Variants in UBE2E2 observed in about 807,000 individuals in gnomAD.
UBE2E2 encodes ubiquitin conjugating enzyme E2 E2.
A neutral mutation model predicts 24.7 loss-of-function variants in UBE2E2; 6 were observed. The observed-to-expected ratio is 0.24, with a 90% confidence interval of 0.13 to 0.48. The LOEUF (loss-of-function observed/expected upper bound fraction) is 0.48. Ranked by LOEUF, UBE2E2 falls within the 20% of genes least tolerant of loss-of-function variation. The probability of loss-of-function intolerance (pLI) is 0.99; values close to 1 mark genes in which losing one functional copy is unlikely to be tolerated. For synonymous variants in UBE2E2, 104 were observed against 83.6 expected (o/e 1.24, Z -1.33); for missense variants, 169 against 245.0 (o/e 0.69, Z 2.07).
At chr3:23,361,698 T>G (rs1375390118) in intron 3 of UBE2E2, among the ~76,000 whole-genome samples, 2 of 152,192 alleles carry the variant, frequency 1.3e-5, no homozygotes, top group Non-Finnish European at 2.9e-5. Context: ...GGGTGAGGGA[T>G]GAGTTGGGTA....
At chr3:23,284,990 C>T (rs1464192857) in intron 3 of UBE2E2, among the ~76,000 whole-genome samples, 4 of 148,838 alleles carry the variant, frequency 2.7e-5, no homozygotes, top group Non-Finnish European at 4.4e-5. Flanking sequence ...TATATATTTA[C>T]CTGTTAACCA....
At chr3:23,381,383 G>A (rs915223182) in intron 3 of UBE2E2, among the ~76,000 whole-genome samples, 1 of 150,334 alleles carries the variant, frequency 6.7e-6, no homozygotes, top group Non-Finnish European at 1.5e-5. Context: ...TGTCCATGGA[G>A]AAGAAAAAAA....
intron 3 of UBE2E2, among the ~76,000 whole-genome samples, chr3:23,386,329 G>T (rs1300258268): frequency 6.6e-6 from 1 of 152,106 alleles, no homozygotes; most frequent in Non-Finnish European, 1.5e-5. Flanking sequence ...CAACCAAGCT[G>T]CCTCAAGCTT....
At chr3:23,350,017 A>G (rs1198525505) in intron 3 of UBE2E2, among the ~76,000 whole-genome samples, 2 of 152,182 alleles carry the variant, frequency 1.3e-5, no homozygotes, top group African/African-American at 4.8e-5. Context: ...TCACACGGCC[A>G]GGTACTCCTC....
intron 3 of UBE2E2, among the ~76,000 whole-genome samples, chr3:23,227,691 C>T (rs560191021): frequency 2.0e-5 from 3 of 152,098 alleles, no homozygotes; most frequent in South Asian, 2.1e-4. Flanking sequence ...ATTGGAAATG[C>T]GTGTACTAAG....
Position 23,310,382 on chromosome 3 carries a change from T to G in UBE2E2, c.227+93070T>G, listed in dbSNP as rs555017418. Among the ~76,000 whole-genome samples, 12 of 151,778 alleles carry G rather than the reference T, an allele frequency of 7.9e-5. No homozygotes were observed. The South Asian group carries it at 2.5e-3, about 32-fold the overall frequency. The stretch of plus-strand genomic sequence containing the variant: ...TTACTGTCTTTTCAGATTCAGAAGA[T>G]TTATAATCAGACTGACTAAACACAT... On this transcript the variant is annotated intron_variant, in intron 3 of 5. Transcript: ENST00000396703.
intron 3 of UBE2E2, among the ~76,000 whole-genome samples, chr3:23,348,347 CA>C (rs35038477): frequency 0.19 from 23,595 of 121,844 alleles, 1,821 homozygotes; most frequent in Non-Finnish European, 0.21. Context: ...GTGCTGCTTT[CA>C]AAAAAAAAAA....
rs192570836 is a variant in UBE2E2, at chr3:23,251,772, C to T, written c.227+34460C>T. ...AAGTTATAAAATTATAATAATCTCT[C>T]TCGACTATTTATGTATTAGGAGATC... is the stretch of plus-strand genomic sequence containing the variant. On this transcript the variant is annotated intron_variant, in intron 3 of 5. Transcript: ENST00000396703. Among the ~76,000 whole-genome samples the T allele has an allele frequency of 7.0e-4, 106 of 152,210 alleles. 2 individuals carry two copies. The highest frequency in any genetic ancestry group is 2.4e-3 in the African/African-American group (101 of 41,528).
chr3:23,525,937 A>G (rs1575685742), intron 4 of UBE2E2, among the ~76,000 whole-genome samples: 1 of 152,262 alleles, frequency 6.6e-6, no homozygotes, highest in East Asian at 1.9e-4. Context: ...TCAAAACATT[A>G]TTTCCTATTT....
intron 5 of UBE2E2, among the ~76,000 whole-genome samples, chr3:23,571,280 C>CTTCTTTTTTTTTT: frequency 3.3e-5 from 1 of 29,882 alleles, no homozygotes; most frequent in East Asian, 1.1e-3. Context: ...GTGCTCCTTT[C>CTTCTTTTTTTTTT]TTTTTTTTTT....
rs140891666 is a variant in UBE2E2 at position 23,496,856 on chromosome 3, CT to C, written c.228-2751del. On this transcript the variant is annotated intron_variant, in intron 3 of 5. Transcript: ENST00000396703. ...CTCAGGGTTTAGAGGTACCAGCCCC[CT>C]GTGCCATCAAAAATTCATGTATAAT... 3.7e-3 allele frequency among the ~76,000 whole-genome samples: 563 copies of C among 152,262 alleles called. 3 individuals carry two copies. Among genetic ancestry groups the C allele is most frequent in the African/African-American group, 0.013 (539 of 41,554 alleles).
intron 5 of UBE2E2, among the ~76,000 whole-genome samples, chr3:23,578,247 G>A (rs1029461259): frequency 1.2e-4 from 18 of 152,126 alleles, no homozygotes; most frequent in African/African-American, 3.6e-4. Context: ...TCTCATGCCA[G>A]TCAGAATGTC....
rs1365299580 is a variant in UBE2E2 at position 23,589,647 on chromosome 3, T to C, written c.509-87T>C. The C allele has an allele frequency of 2.2e-5, 31 of 1,383,214 alleles. No individual in the cohort carries two copies. Among genetic ancestry groups the C allele is most frequent in the Non-Finnish European group, 3.1e-5 (30 of 982,852 alleles). The allele number at this position is 1,383,214 out of a possible 1,614,324, so 85.7% of individuals were successfully genotyped here. A position where few individuals can be genotyped will look rare whatever the true frequency, so the allele number is the denominator to read the frequency against. On this transcript the variant is annotated intron_variant, in intron 5 of 5. Transcript: ENST00000396703. This position sits in a 1 kb window ranked among gnomAD's most constrained non-coding sequence, Gnocchi z 4.1. ...GTTAGAACAGCAGCTTCTCATCTCC[T>C]ACCCTCCCACTCCTTGCCAGCTTTC...
chr3:23,374,759 C>T (rs1696479884), intron 3 of UBE2E2, among the ~76,000 whole-genome samples: 1 of 152,140 alleles, frequency 6.6e-6, no homozygotes, highest in South Asian at 2.1e-4. Flanking sequence ...TTAGGGAGTG[C>T]TGAATTAAAT....
chr3:23,473,758 G>C (rs1403332146), intron 3 of UBE2E2, among the ~76,000 whole-genome samples: 3 of 152,094 alleles, frequency 2.0e-5, no homozygotes, highest in African/African-American at 7.3e-5. Flanking sequence ...TGGCTAAGTA[G>C]TATTCTATCA....
chr3:23,347,410 G>T (rs1003860430), intron 3 of UBE2E2, among the ~76,000 whole-genome samples: 2 of 152,160 alleles, frequency 1.3e-5, no homozygotes, highest in African/African-American at 4.8e-5. Context: ...GCAGGGACAT[G>T]GATGAAGCTG....
intron 5 of UBE2E2, among the ~76,000 whole-genome samples, chr3:23,543,394 G>A (rs543154064): frequency 2.0e-5 from 3 of 152,114 alleles, no homozygotes; most frequent in African/African-American, 7.2e-5. Flanking sequence ...ACACAAATCA[G>A]TAGCATTGCT....
intron 3 of UBE2E2, among the ~76,000 whole-genome samples, chr3:23,304,188 G>A (rs1409991845): frequency 6.6e-6 from 1 of 152,146 alleles, no homozygotes; most frequent in Non-Finnish European, 1.5e-5. Context: ...ACCGTGGGCA[G>A]GTCAAAGACG....
intron 3 of UBE2E2, among the ~76,000 whole-genome samples, chr3:23,278,972 G>A (rs986149949): frequency 5.9e-5 from 9 of 151,872 alleles, no homozygotes; most frequent in African/African-American, 2.2e-4. Flanking sequence ...AATTTTAAAA[G>A]GATACTAAAT....
Sources: gnomAD v4.1 joint callset for allele counts (sites outside exome capture counted in the v4.1 genomes callset) on GRCh38, gnomAD v4.1.1 for gene constraint, Gnocchi (gnomAD v3.1) non-coding constraint, MANE v1.5 for transcripts, NCBI Gene and HGNC (gene_info 2026-07-23, HGNC 2026-07-21) for gene names.